Variants in DMBT1 observed in about 807,000 individuals in gnomAD.
The protein encoded by DMBT1 is scavenger receptor cysteine-rich domain-containing protein DMBT1.
DMBT1 carries 198 observed loss-of-function variants against 252.9 expected under a neutral mutation model. The ratio of observed to expected loss-of-function variants is 0.78; its 90% CI spans 0.70 to 0.88. The LOEUF (loss-of-function observed/expected upper bound fraction) is 0.88, where lower values mean the gene tolerates loss of function less well. Ranked by LOEUF, DMBT1 falls within the 40% of genes least tolerant of loss-of-function variation. The pLI is 0.00. For missense variants in DMBT1, 2,432 were observed against 2,404.7 expected (o/e 1.01, Z -0.24); for synonymous variants, 990 against 942.7 (o/e 1.05, Z -0.92).
intron 20 of DMBT1, among the ~76,000 whole-genome samples, chr10:122,593,184 C>T (rs1224825156): frequency 2.7e-5 from 4 of 148,988 alleles, no homozygotes; most frequent in African/African-American, 9.7e-5. Flanking sequence ...AGGGCAGCCC[C>T]CATGAGACAG....
At chr10:122,579,530 T>C (rs756812602) in intron 9 of DMBT1, 48 bp from the exon 10 acceptor site, 8 of 1,611,726 alleles carry the variant, frequency 5.0e-6, no homozygotes, top group Non-Finnish European at 6.8e-6. Context: ...CCTTAGATTC[T>C]TGACCTCATG....
Position 122,598,889 on chromosome 10 carries a change from C to T in DMBT1, c.3072C>T (p.Thr1024=), listed in dbSNP as rs755805911. 6.2e-7 allele frequency: 1 copy of T among 1,613,810 alleles called. No individual in the cohort carries two copies. Among genetic ancestry groups the T allele is most frequent in the Non-Finnish European group, 8.5e-7 (1 of 1,179,772 alleles). The change falls in exon 26 of 56, where the codon ACC becomes ACT. Residue 1024 remains threonine, a synonymous_variant. Coordinates refer to ENST00000338354, the MANE Select transcript of DMBT1 (RefSeq NM_001377530.1). ...WGTVCDDSWD[T]NDANVVCRQL... ...CCGTGTGCGATGACAGCTGGGACAC[C>T]AATGATGCCAATGTCGTCTGCAGGC...
At position 122,589,005 on chromosome 10, in the gene DMBT1, G is replaced by A. The variant is rs751552722; in HGVS notation, c.1845G>A (p.Val615=). ...GAGGTGACAGGTGTCAGGGCCGAGT[G>A]GAGGTCCTATACCGAGGCTCTTGGG... ...VNGGDRCQGR[V]EVLYRGSWGT... is the part of the protein sequence containing the mutation. The change falls in exon 17 of 56, where the codon GTG becomes GTA. Residue 615 remains valine, a synonymous_variant. Transcript: ENST00000338354. 1.3e-6 allele frequency: 2 copies of A among 1,588,674 alleles called. No homozygotes were observed. The highest frequency in any genetic ancestry group is 1.7e-5 in the Admixed American group (1 of 59,582).
At position 122,579,633 on chromosome 10, in the gene DMBT1, C is replaced by T. The variant is rs754324794; in HGVS notation, c.735C>T (p.Gly245=). 8.7e-6 allele frequency: 14 copies of T among 1,613,642 alleles called. No homozygotes were observed. Among genetic ancestry groups the T allele is most frequent in the South Asian group, 7.7e-5 (7 of 91,056 alleles). The change falls in exon 10 of 56, where the codon GGC becomes GGT. Residue 245 remains glycine (G), a synonymous_variant. Transcript: ENST00000338354. ...TGAATGGAGGCGACAGGTGTCGAGG[C>T]CGAGTGGAGGTCCTATACCGAGGCT... The part of the protein sequence containing the change: ...RLVNGGDRCR[G]RVEVLYRGSW...
Position 122,635,934 on chromosome 10 carries a change from C to A in DMBT1, c.6549-57C>A, listed in dbSNP as rs186573551. On this transcript the variant is annotated intron_variant, in intron 52 of 55. Coordinates refer to ENST00000338354, the MANE Select transcript of DMBT1 (RefSeq NM_001377530.1). ...GTGTGACCCCACCCTGAGATCTGAC[C>A]CCCTGCGTCAAATTCTGGGAGGAAA... 2.7e-5 allele frequency: 43 copies of A among 1,585,704 alleles called. No individual in the cohort carries two copies. In the African/African-American group the frequency reaches 5.5e-4, roughly 20 times the overall value.
intron 15 of DMBT1, among the ~76,000 whole-genome samples, chr10:122,585,688 A>G (rs185516779): frequency 6.1e-4 from 91 of 148,696 alleles, no homozygotes; most frequent in African/African-American, 2.1e-3. Flanking sequence ...AGGCCTTGTC[A>G]TACCTGTGAA....
chr10:122,576,291 A>T, intron 6 of DMBT1, 108 bp from the exon 7 acceptor site: 2 of 1,461,756 alleles, frequency 1.4e-6, no homozygotes, highest in East Asian at 2.3e-5. Context: ...CCAATTAGAG[A>T]TTCTCTCAAA....
At position 122,597,966 on chromosome 10, in the gene DMBT1, A is replaced by G. The variant is rs751686642; in HGVS notation, c.2918-8A>G. 6.2e-7 allele frequency: 1 copy of G among 1,613,908 alleles called. No homozygotes were observed. Among genetic ancestry groups the G allele is most frequent in the South Asian group, 1.1e-5 (1 of 91,068 alleles). ...TAATTCTAGCCTTTGTCTCTGTTGC[A>G]ATTACAGACACATTGCCGACCATCA... On this transcript the variant is annotated splice_region_variant and splice_polypyrimidine_tract_variant and intron_variant, in intron 24 of 55. Coordinates refer to ENST00000338354, the MANE Select transcript of DMBT1 (RefSeq NM_001377530.1).
chr10:122,599,197 T>C, intron 26 of DMBT1, 100 bp downstream of exon 26: 1 of 1,580,806 alleles, frequency 6.3e-7, no homozygotes, highest in South Asian at 1.2e-5. Flanking sequence ...GCTTCTTCTA[T>C]GTTTTCTATA....
chr10:122,578,715 C>T lies in DMBT1; in HGVS notation c.638-3C>T. The T allele has an allele frequency of 6.2e-7, 1 of 1,607,650 alleles. No homozygotes were observed. The highest frequency in any genetic ancestry group is 1.1e-5 in the South Asian group (1 of 89,466). On this transcript the variant is annotated splice_polypyrimidine_tract_variant and splice_region_variant and intron_variant, in intron 8 of 55. Transcript: ENST00000338354. ...TATCCTTTCTCTTTGTTGCTGTTTA[C>T]AGAAAGTTGGCCTGTCAGGATATCA...
intron 43 of DMBT1, among the ~76,000 whole-genome samples, 157 bp from the exon 44 acceptor site, chr10:122,620,900 A>T (rs1235063839): frequency 6.6e-6 from 1 of 152,190 alleles, no homozygotes; most frequent in Non-Finnish European, 1.5e-5. Context: ...TGCTTCTTCC[A>T]CTATCATGAA....
chr10:122,573,586 C>T (rs892910318), intron 5 of DMBT1, 129 bp from the exon 6 acceptor site: 1 of 1,193,408 alleles, frequency 8.4e-7, no homozygotes, highest in South Asian at 1.3e-5. Context: ...ACATGGTTGG[C>T]TTTTAGCAAT....
rs538292094 is a variant in DMBT1 at position 122,592,176 on chromosome 10, G to A, written c.2177-96G>A. On this transcript the variant is annotated intron_variant, in intron 19 of 55. Coordinates refer to ENST00000338354, the MANE Select transcript of DMBT1 (RefSeq NM_001377530.1). ...TTCAATCGTGACTGCTTGTCCAGGC[G>A]ACCTTGGCCATTAGGAAGTACCCTG... The A allele has an allele frequency of 4.5e-4, 690 of 1,521,454 alleles. 80 individuals are homozygous for A. Among genetic ancestry groups the A allele is most frequent in the Non-Finnish European group, 5.7e-4 (645 of 1,129,548 alleles). 94.2% of individuals were successfully genotyped at this position (1,521,454 alleles called of 1,614,324 possible).
rs941183886 is a variant in DMBT1 at position 122,631,147 on chromosome 10, G to T, written c.6212G>T (p.Gly2071Val). ...AVSALGNAYF[G>V]SGSGPITLDD... ...TCAGCCCTTGGAAATGCATATTTTG[G>T]CTCTGGCTCTGGCCCCATCACCCTG... Residue 2071 changes from glycine (G) to valine (V), a missense_variant, in exon 49 of 56, where the codon GGC becomes GTC. Gly to Val is a moderately radical substitution (Grantham distance 109). Coordinates refer to ENST00000338354, the MANE Select transcript of DMBT1 (RefSeq NM_001377530.1). The T allele has an allele frequency of 3.1e-6, 5 of 1,613,960 alleles. No homozygotes were observed. The highest frequency in any genetic ancestry group is 3.4e-6 in the Non-Finnish European group (4 of 1,179,904).
chr10:122,588,651 GT>G, intron 16 of DMBT1, among the ~76,000 whole-genome samples: 1 of 149,028 alleles, frequency 6.7e-6, no homozygotes. Flanking sequence ...CTCTGGAGCT[GT>G]GGAGCTCCAT....
chr10:122,635,849 C>A lies in DMBT1; in HGVS notation c.6549-142C>A, dbSNP rs2098222753. 10 of 853,782 alleles carry A rather than the reference C, an allele frequency of 1.2e-5. No individual in the cohort carries two copies. The Admixed American group carries it at 2.3e-4, about 20-fold the overall frequency. The allele number at this position is 853,782 out of a possible 1,614,324, so 52.9% of individuals were successfully genotyped here. A position where few individuals can be genotyped will look rare whatever the true frequency, so the allele number is the denominator to read the frequency against. On this transcript the variant is annotated intron_variant, in intron 52 of 55. Transcript: ENST00000338354. The stretch of plus-strand genomic sequence containing the variant: ...GGGATTATAAGTGTGAGCTACTGCG[C>A]CCAGCCAAGGAGACCTATGACTTTC...
intron 3 of DMBT1, among the ~76,000 whole-genome samples, chr10:122,570,659 C>A (rs1231709100): frequency 6.6e-6 from 1 of 152,130 alleles, no homozygotes; most frequent in African/African-American, 2.4e-5. Context: ...GCTGTGGCAG[C>A]AGAAGAGGTT....
chr10:122,562,291 C>A (rs1272704732), intron 1 of DMBT1, among the ~76,000 whole-genome samples: 1 of 152,088 alleles, frequency 6.6e-6, no homozygotes, highest in East Asian at 1.9e-4. Context: ...ACTTCTGGAA[C>A]TGTCACTCTC....
chr10:122,579,622 A>T lies in DMBT1; in HGVS notation c.724A>T (p.Arg242Trp). Reference sequence around the variant, plus strand: ...CCTGAGGCTGGTGAATGGAGGCGACAGGTGTCGAGGCCGAGTGGAGGTCCT... The same window carrying T: ...CCTGAGGCTGGTGAATGGAGGCGACTGGTGTCGAGGCCGAGTGGAGGTCCT... ...LALRLVNGGDRCRGRVEVLYR... is the reference protein window; with the variant it reads ...LALRLVNGGDWCRGRVEVLYR... The change falls in exon 10 of 56, where the codon AGG (arginine) becomes TGG (tryptophan). Residue 242 changes from arginine (R) to tryptophan (W), a missense_variant. By Grantham distance (101) the Arg-to-Trp change is moderately radical. Coordinates refer to ENST00000338354, the MANE Select transcript of DMBT1 (RefSeq NM_001377530.1). 2 of 1,613,618 alleles carry T rather than the reference A, an allele frequency of 1.2e-6. No individual in the cohort carries two copies. The highest frequency in any genetic ancestry group is 1.7e-6 in the Non-Finnish European group (2 of 1,179,744).
Sources: allele counts gnomAD v4.1 joint callset (sites outside exome capture counted in the v4.1 genomes callset), GRCh38; gene constraint gnomAD v4.1.1; transcripts MANE v1.5; gene names NCBI Gene and HGNC (gene_info 2026-07-23, HGNC 2026-07-21).